The following NCALD variants were observed in gnomAD, a reference collection of about 807,000 sequenced individuals.
The protein encoded by NCALD is neurocalcin delta.
Under a neutral mutation model 18.6 loss-of-function variants are expected in NCALD, and 10 were observed. That is an observed-to-expected ratio of 0.54 (90% CI 0.33 to 0.91). NCALD has a LOEUF of 0.91. Ranked by LOEUF, NCALD falls within the 40% of genes least tolerant of loss-of-function variation. NCALD has a pLI of 0.03. For synonymous variants in NCALD, 88 were observed against 87.4 expected (o/e 1.01, Z -0.04); for missense variants, 184 against 247.6 (o/e 0.74, Z 1.72).
intron 4 of NCALD, among the ~76,000 whole-genome samples, chr8:101,843,521 C>T (rs1343446999): frequency 1.3e-5 from 2 of 151,646 alleles, no homozygotes; most frequent in African/African-American, 4.9e-5. Context: ...TTATTTACTG[C>T]AGCTTCTCTT....
At chr8:101,749,360 T>C (rs1364914273) in intron 1 of NCALD, among the ~76,000 whole-genome samples, 4 of 152,162 alleles carry the variant, frequency 2.6e-5, no homozygotes, top group Admixed American at 2.0e-4. Flanking sequence ...CTCACAGAAT[T>C]CCCATTCTAC....
At chr8:101,742,454 A>T (rs1810245845) in intron 1 of NCALD, among the ~76,000 whole-genome samples, 1 of 152,218 alleles carries the variant, frequency 6.6e-6, no homozygotes, top group Admixed American at 6.5e-5. Context: ...TTTCTTTAAG[A>T]ATAGCTTTTT....
chr8:102,072,072 C>T (rs948839462), intron 1 of NCALD, among the ~76,000 whole-genome samples: 2 of 146,188 alleles, frequency 1.4e-5, no homozygotes, highest in Non-Finnish European at 3.0e-5. Context: ...GACTTCAAGA[C>T]CTACTATAAA....
rs539779023 is a variant in NCALD, at chr8:101,694,216, A to G, written c.379-1320T>C. 2.6e-5 allele frequency: 4 copies of G among 152,306 alleles called. No homozygotes were observed. In the South Asian group the frequency reaches 8.3e-4, roughly 32 times the overall value. The allele number at this position is 152,306 out of a possible 1,614,324, so 9.4% of individuals were successfully genotyped here. A position where few individuals can be genotyped will look rare whatever the true frequency, so the allele number is the denominator to read the frequency against. On this transcript the variant is annotated intron_variant, in intron 2 of 3. Coordinates refer to ENST00000220931, the MANE Select transcript of NCALD (RefSeq NM_032041.3). Reference sequence around the variant, plus strand: ...TGCCAGGGAGTAGGCAGAAAATTTCAGAGAGTTCTGGAGCTCTAGGGGCAG... The same window carrying G: ...TGCCAGGGAGTAGGCAGAAAATTTCGGAGAGTTCTGGAGCTCTAGGGGCAG...
chr8:102,102,223 G>C (rs1372565372), intron 1 of NCALD, among the ~76,000 whole-genome samples: 1 of 152,066 alleles, frequency 6.6e-6, no homozygotes, highest in African/African-American at 2.4e-5. Flanking sequence ...GGGCACAGCA[G>C]GTAATACAAA....
intron 2 of NCALD, among the ~76,000 whole-genome samples, chr8:101,925,963 T>C (rs556463039): frequency 3.3e-5 from 5 of 152,286 alleles, no homozygotes; most frequent in African/African-American, 1.2e-4. Flanking sequence ...AGGAGTCCCC[T>C]GCAATGGGTC....
chr8:102,053,904 T>C (rs1026113854), intron 1 of NCALD, among the ~76,000 whole-genome samples: 22 of 152,234 alleles, frequency 1.4e-4, no homozygotes, highest in African/African-American at 4.6e-4. Context: ...CCCAGTTCTA[T>C]ACATATGTGA....
intron 2 of NCALD, among the ~76,000 whole-genome samples, chr8:102,012,989 T>TCA (rs1349588002): frequency 1.3e-5 from 2 of 151,588 alleles, no homozygotes; most frequent in South Asian, 2.1e-4. Context: ...ACACATACAC[T>TCA]CACACACACA....
chr8:101,810,758 G>T (rs1482844356), intron 4 of NCALD, among the ~76,000 whole-genome samples: 1 of 152,012 alleles, frequency 6.6e-6, no homozygotes, highest in Non-Finnish European at 1.5e-5. Flanking sequence ...TCCAAGAGCT[G>T]CTAATGCCTA....
intron 1 of NCALD, among the ~76,000 whole-genome samples, chr8:102,110,233 T>G (rs778052834): frequency 4.6e-5 from 7 of 152,174 alleles, no homozygotes; most frequent in African/African-American, 7.2e-5. Flanking sequence ...AAGGAAAATT[T>G]TTTTCATTTT....
At chr8:101,888,019 T>G (rs1816735855) in intron 3 of NCALD, among the ~76,000 whole-genome samples, 1 of 152,182 alleles carries the variant, frequency 6.6e-6, no homozygotes, top group Non-Finnish European at 1.5e-5. Context: ...AAGAGGACAG[T>G]GTCAGCGTCA....
intron 1 of NCALD, among the ~76,000 whole-genome samples, chr8:102,089,019 A>G (rs1231203069): frequency 6.6e-6 from 1 of 152,200 alleles, no homozygotes; most frequent in African/African-American, 2.4e-5. Flanking sequence ...TTGCCTTCCA[A>G]CTGTGTTTGC....
At chr8:101,695,392 A>T (rs1437834100) in intron 2 of NCALD, among the ~76,000 whole-genome samples, 1 of 152,138 alleles carries the variant, frequency 6.6e-6, no homozygotes, top group African/African-American at 2.4e-5. Context: ...TGGTCCTTCT[A>T]GATGCCACTG....
chr8:101,959,331 T>C (rs148981701), intron 2 of NCALD, among the ~76,000 whole-genome samples: 2 of 152,296 alleles, frequency 1.3e-5, no homozygotes, highest in East Asian at 3.9e-4. Flanking sequence ...TGTGTCCTTC[T>C]ATCTGGACTT....
chr8:101,951,070 T>C (rs576874182), intron 2 of NCALD, among the ~76,000 whole-genome samples: 137 of 152,278 alleles, frequency 9.0e-4, no homozygotes, highest in Middle Eastern at 3.4e-3. Flanking sequence ...ACCAGACACG[T>C]CTCAGCCAGC....
chr8:101,859,455 C>A (rs1248758428), intron 4 of NCALD, among the ~76,000 whole-genome samples: 2 of 152,088 alleles, frequency 1.3e-5, no homozygotes, highest in Non-Finnish European at 2.9e-5. Flanking sequence ...ATACATATAT[C>A]CTTTTAGTTC....
intron 1 of NCALD, among the ~76,000 whole-genome samples, chr8:102,063,339 G>A (rs78586217): frequency 0.033 from 5,001 of 152,086 alleles, 107 homozygotes; most frequent in South Asian, 0.065. Flanking sequence ...TATACTTGAC[G>A]CAGATGCATT....
intron 1 of NCALD, among the ~76,000 whole-genome samples, chr8:102,076,231 T>A (rs948823246): frequency 6.6e-6 from 1 of 152,196 alleles, no homozygotes; most frequent in Non-Finnish European, 1.5e-5. Context: ...CCCTCTTTCT[T>A]TTCTCAACTT....
At chr8:101,907,285 C>T (rs896591351) in intron 3 of NCALD, among the ~76,000 whole-genome samples, 60 of 152,240 alleles carry the variant, frequency 3.9e-4, no homozygotes, top group African/African-American at 1.4e-3. Context: ...ATTTAATGTT[C>T]CCTTTGGACT....
Sources: allele counts gnomAD v4.1 joint callset (sites outside exome capture counted in the v4.1 genomes callset), GRCh38; gene constraint gnomAD v4.1.1; transcripts MANE v1.5; gene names NCBI Gene and HGNC (gene_info 2026-07-23, HGNC 2026-07-21).